DAB1: variants seen among roughly 807,000 people sequenced by gnomAD.
The protein encoded by DAB1 is DAB adaptor protein 1, also known as disabled homolog 1.
In DAB1, 15 loss-of-function variants were observed where a neutral mutation model predicts 64.6. The ratio of observed to expected loss-of-function variants is 0.23; its 90% CI spans 0.16 to 0.36. The LOEUF (loss-of-function observed/expected upper bound fraction) is 0.36. Among genes scored for constraint, DAB1 ranks in the 10% least tolerant of loss-of-function variants. The probability of loss-of-function intolerance (pLI) is 1.00; values close to 1 mark genes in which losing one functional copy is unlikely to be tolerated. For synonymous variants in DAB1, 235 were observed against 251.9 expected (o/e 0.93, Z 0.64); for missense variants, 596 against 706.7 (o/e 0.84, Z 1.78).
At chr1:57,866,360 C>T (rs984519903) in intron 1 of DAB1, 2 of 152,082 alleles carry the variant, frequency 1.3e-5, no homozygotes, top group East Asian at 1.9e-4. Context: ...GAACTTAGCA[C>T]GATGTCTGAC....
At chr1:57,193,650 G>A (rs1263736523) in intron 2 of DAB1, among the ~76,000 whole-genome samples, 1 of 152,164 alleles carries the variant, frequency 6.6e-6, no homozygotes, top group Admixed American at 6.5e-5. Context: ...CTTCCAAAGT[G>A]CTGGCATTGT....
intron 3 of DAB1, among the ~76,000 whole-genome samples, chr1:58,430,387 T>C (rs1644859226): frequency 6.6e-6 from 1 of 152,188 alleles, no homozygotes; most frequent in Non-Finnish European, 1.5e-5. Flanking sequence ...GAGGATGGGT[T>C]GCATTCAGAA....
chr1:57,734,425 A>G (rs561098423), intron 6 of DAB1, among the ~76,000 whole-genome samples: 24 of 152,212 alleles, frequency 1.6e-4, no homozygotes, highest in Non-Finnish European at 2.8e-4. Context: ...ATAGAGAAAA[A>G]TGACCAGCTT....
chr1:57,794,788 T>G (rs1435427880), intron 6 of DAB1, among the ~76,000 whole-genome samples: 1 of 152,192 alleles, frequency 6.6e-6, no homozygotes, highest in Non-Finnish European at 1.5e-5. Flanking sequence ...TCAAAAATAT[T>G]TGTTGCTTTA....
intron 9 of DAB1, among the ~76,000 whole-genome samples, chr1:57,056,175 A>G (rs1417284208): frequency 6.6e-6 from 1 of 152,090 alleles, no homozygotes; most frequent in African/African-American, 2.4e-5. Flanking sequence ...TTGAACCATT[A>G]GAAAATACTG....
intron 2 of DAB1, among the ~76,000 whole-genome samples, chr1:57,264,106 T>C (rs896985653): frequency 1.3e-5 from 2 of 152,228 alleles, no homozygotes; most frequent in African/African-American, 4.8e-5. Context: ...CATTTATTAA[T>C]ATGTCTCCTC....
chr1:58,133,763 A>T (rs776939044), intron 5 of DAB1, among the ~76,000 whole-genome samples: 1 of 152,158 alleles, frequency 6.6e-6, no homozygotes. Flanking sequence ...GTGTTCTTTG[A>T]TCATTTACAC....
intron 4 of DAB1, among the ~76,000 whole-genome samples, chr1:58,290,294 C>G (rs1661784415): frequency 6.6e-6 from 1 of 152,096 alleles, no homozygotes; most frequent in African/African-American, 2.4e-5. Flanking sequence ...CTAAAGATGT[C>G]AGTTGATCTG....
intron 5 of DAB1, among the ~76,000 whole-genome samples, chr1:57,903,099 A>G (rs1392634767): frequency 6.6e-6 from 1 of 152,136 alleles, no homozygotes; most frequent in Non-Finnish European, 1.5e-5. Context: ...CTTATTCACT[A>G]TCATGAGAAC....
intron 6 of DAB1, among the ~76,000 whole-genome samples, chr1:57,674,791 C>T (rs6684951): frequency 0.013 from 1,965 of 152,270 alleles, 39 homozygotes; most frequent in African/African-American, 0.045. Flanking sequence ...TATTGTTCTC[C>T]CCTTGGAGAC....
intron 1 of DAB1, among the ~76,000 whole-genome samples, chr1:57,416,246 A>T (rs187540480): frequency 2.5e-4 from 38 of 152,220 alleles, no homozygotes; most frequent in Admixed American, 5.2e-4. Context: ...GGTGATGTAA[A>T]TTTTTTCAAG....
chr1:58,395,964 T>C lies in DAB1; in HGVS notation n.258-52561A>G, dbSNP rs745755074. On this transcript the variant is annotated intron_variant and non_coding_transcript_variant, in intron 3 of 20. Coordinates refer to the DAB1 transcript ENST00000485760. ...TCTCCCTAGTTTACACACAAGAAAA[T>C]TGGGGTTTAGAAAGATTAAGAGTAG... Among the ~76,000 whole-genome samples, 8 of 151,972 alleles carry C rather than the reference T, an allele frequency of 5.3e-5. No individual in the cohort carries two copies. In the East Asian group the frequency reaches 7.7e-4, roughly 15 times the overall value.
chr1:58,208,605 G>T lies in DAB1; in HGVS notation n.310-58017C>A, dbSNP rs574878867. ...AATGGTCTGCAACTCCATCCAGGTT[G>T]CTGTGAATGCCATTATTTCATTCCT... On this transcript the variant is annotated intron_variant and non_coding_transcript_variant, in intron 4 of 20. Coordinates refer to the DAB1 transcript ENST00000485760. Among the ~76,000 whole-genome samples, 37 of 152,290 alleles carry T rather than the reference G, an allele frequency of 2.4e-4. 1 individual carries two copies. In the South Asian group the frequency reaches 7.3e-3, roughly 30 times the overall value.
At chr1:58,384,586 C>T (rs552338418) in intron 3 of DAB1, among the ~76,000 whole-genome samples, 1 of 152,244 alleles carries the variant, frequency 6.6e-6, no homozygotes, top group East Asian at 1.9e-4. Context: ...GGAGTATGGA[C>T]TCACAGAATC....
intron 3 of DAB1, among the ~76,000 whole-genome samples, chr1:57,141,810 C>T (rs1658611172): frequency 6.6e-6 from 1 of 152,268 alleles, no homozygotes; most frequent in Middle Eastern, 3.4e-3. Flanking sequence ...TAGTAGCTTA[C>T]TGGTGGGAGC....
chr1:57,825,254 C>A (rs777055461), downstream of DAB1, among the ~76,000 whole-genome samples: 48 of 152,172 alleles, frequency 3.2e-4, no homozygotes, highest in Non-Finnish European at 5.4e-4. Context: ...ACATCTTTAC[C>A]ATCTTTGAAG....
chr1:58,427,550 G>T (rs994920932), intron 3 of DAB1, among the ~76,000 whole-genome samples: 1 of 152,082 alleles, frequency 6.6e-6, no homozygotes, highest in African/African-American at 2.4e-5. Flanking sequence ...AAAGTGATTC[G>T]ACTGTTCATA....
intron 6 of DAB1, among the ~76,000 whole-genome samples, chr1:57,776,371 G>A (rs1182940066): frequency 4.6e-5 from 7 of 151,692 alleles, no homozygotes; most frequent in South Asian, 2.1e-4. Flanking sequence ...GTTAGGTCTT[G>A]CTTTTAATCC....
intron 3 of DAB1, among the ~76,000 whole-genome samples, chr1:58,467,345 T>C (rs951465750): frequency 6.6e-6 from 1 of 152,230 alleles, no homozygotes; most frequent in African/African-American, 2.4e-5. Context: ...GAACGTCTGC[T>C]TTTTTGATTA....
Sources: allele counts gnomAD v4.1 joint callset (sites outside exome capture counted in the v4.1 genomes callset), GRCh38; gene constraint gnomAD v4.1.1; transcripts MANE v1.5; gene names NCBI Gene and HGNC (gene_info 2026-07-23, HGNC 2026-07-21).